AOPEP: variants seen among roughly 807,000 people sequenced by gnomAD.
AOPEP encodes aminopeptidase O.
In AOPEP, 77 loss-of-function variants were observed where a neutral mutation model predicts 98.1. The ratio of observed to expected loss-of-function variants is 0.78; its 90% CI spans 0.65 to 0.95. The LOEUF (loss-of-function observed/expected upper bound fraction) is 0.95. Among genes scored for constraint, AOPEP ranks in the 40% least tolerant of loss-of-function variants. The pLI, the probability that AOPEP is intolerant of heterozygous loss-of-function variation, is 0.00. For missense variants in AOPEP, 1,024 were observed against 1,024.7 expected, an observed-to-expected ratio of 1.00 and a Z score of 0.01; for synonymous variants, 346 against 365.3, an observed-to-expected ratio of 0.95 and a Z score of 0.60.
At chr9:95,010,397 C>G (rs1172022627) in intron 13 of AOPEP, among the ~76,000 whole-genome samples, 1 of 152,176 alleles carries the variant, frequency 6.6e-6, no homozygotes, top group African/African-American at 2.4e-5. Context: ...CATCAGCACA[C>G]AAAGCTTAGC....
intron 1 of AOPEP, among the ~76,000 whole-genome samples, chr9:94,730,576 A>G (rs1830301863): frequency 6.6e-6 from 1 of 152,198 alleles, no homozygotes. Flanking sequence ...ATAAACCTCT[A>G]TTTTACATTG....
intron 9 of AOPEP, among the ~76,000 whole-genome samples, chr9:94,957,806 G>A (rs1041769034): frequency 3.9e-5 from 6 of 151,924 alleles, no homozygotes; most frequent in African/African-American, 1.5e-4. Context: ...CATATGCTTT[G>A]AGAACTTTTG....
the AOPEP span, chr9:95,109,468 C>G: frequency 1.6e-4 from 24 of 150,996 alleles, no homozygotes; most frequent in African/African-American, 5.8e-4. Context: ...CTTTTTTTCT[C>G]TAGGCATCAT....
At chr9:94,903,718 T>C (rs975434199) in intron 5 of AOPEP, among the ~76,000 whole-genome samples, 1 of 151,530 alleles carries the variant, frequency 6.6e-6, no homozygotes, top group South Asian at 2.1e-4. Flanking sequence ...GGAGGATTAC[T>C]TGAGCCCAGC....
chr9:94,800,924 C>G lies in AOPEP; in HGVS notation c.1286C>G (p.Ser429Cys). Residue 429 changes from serine to cysteine, a missense_variant, in exon 5 of 17, where the codon TCT becomes TGT. Coordinates refer to ENST00000375315, the MANE Select transcript of AOPEP (RefSeq NM_001193329.3). The stretch of plus-strand genomic sequence containing the variant: ...CCTCCTTGCCTCTCAGCAGCACATT[C>G]TGTTCTGGGAGCACACCCGTTCTCT... ...LIPPCLSAAH[S>C]VLGAHPFSRL... The G allele has an allele frequency of 1.2e-6, 2 of 1,614,186 alleles. No individual in the cohort carries two copies. Among genetic ancestry groups the G allele is most frequent in the Non-Finnish European group, 8.5e-7 (1 of 1,180,032 alleles).
At chr9:94,901,436 T>C (rs1270584870) in intron 5 of AOPEP, among the ~76,000 whole-genome samples, 4 of 151,980 alleles carry the variant, frequency 2.6e-5, no homozygotes, top group Non-Finnish European at 5.9e-5. Context: ...CTAGCCCAAG[T>C]TTCCACCTAT....
chr9:95,060,646 CTCA>C, intron 13 of AOPEP, 45 bp from the exon 14 acceptor site: 2 of 1,244,910 alleles, frequency 1.6e-6, no homozygotes, highest in Non-Finnish European at 2.4e-6. Flanking sequence ...GGTGTTGTTT[CTCA>C]TCAACTGAAT....
the AOPEP span, chr9:95,107,162 G>A: frequency 1.2e-6 from 2 of 1,614,204 alleles, no homozygotes; most frequent in Admixed American, 3.3e-5. Flanking sequence ...CAGGAGCTCT[G>A]AGGTCTGTGT....
At chr9:95,071,263 T>C (rs933314099) in intron 14 of AOPEP, among the ~76,000 whole-genome samples, 6 of 151,780 alleles carry the variant, frequency 4.0e-5, no homozygotes, top group African/African-American at 1.5e-4. Flanking sequence ...CCCAAACTTT[T>C]TGAGTGCTGA....
At chr9:94,893,345 G>A (rs2049088008) in intron 5 of AOPEP, among the ~76,000 whole-genome samples, 1 of 152,118 alleles carries the variant, frequency 6.6e-6, no homozygotes, top group African/African-American at 2.4e-5. Context: ...CCCATTGGAT[G>A]GCATGCAGAA....
At chr9:94,865,999 T>G (rs1355317551) in intron 5 of AOPEP, among the ~76,000 whole-genome samples, 1 of 152,218 alleles carries the variant, frequency 6.6e-6, no homozygotes, top group Non-Finnish European at 1.5e-5. Context: ...ATGAGGGCCA[T>G]TGCAAATGGC....
At chr9:94,853,516 A>G (rs2043814882) in intron 5 of AOPEP, among the ~76,000 whole-genome samples, 2 of 152,182 alleles carry the variant, frequency 1.3e-5, no homozygotes, top group Non-Finnish European at 2.9e-5. Context: ...CTCACTGTGT[A>G]CTGTCCTTTT....
intron 3 of AOPEP, among the ~76,000 whole-genome samples, chr9:94,783,345 C>T (rs1843696599): frequency 6.6e-6 from 1 of 152,238 alleles, no homozygotes; most frequent in Non-Finnish European, 1.5e-5. Flanking sequence ...TGCTGGGTAG[C>T]ATCAGTGCTT....
At chr9:94,827,572 G>T (rs1038132730) in intron 5 of AOPEP, among the ~76,000 whole-genome samples, 1 of 152,124 alleles carries the variant, frequency 6.6e-6, no homozygotes, top group African/African-American at 2.4e-5. Flanking sequence ...CACTGATAGT[G>T]TACTAAGATG....
intron 1 of AOPEP, among the ~76,000 whole-genome samples, chr9:94,748,426 TA>T (rs1180805104): frequency 6.6e-6 from 1 of 152,238 alleles, no homozygotes; most frequent in African/African-American, 2.4e-5. Flanking sequence ...TAACTATTTT[TA>T]AATAAATGAT....
the AOPEP span, chr9:95,110,972 A>G: frequency 1.4e-6 from 2 of 1,408,886 alleles, no homozygotes; most frequent in East Asian, 2.6e-5. Flanking sequence ...TTACTTTAGT[A>G]AGAGATGTAA....
intron 5 of AOPEP, among the ~76,000 whole-genome samples, chr9:94,921,638 C>G (rs2053630898): frequency 6.6e-6 from 1 of 152,108 alleles, no homozygotes; most frequent in South Asian, 2.1e-4. Flanking sequence ...TTATCAAAAC[C>G]TTACTCCATG....
chr9:94,833,675 C>T (rs7022142), intron 5 of AOPEP, among the ~76,000 whole-genome samples: 1,660 of 152,256 alleles, frequency 0.011, 34 homozygotes, highest in African/African-American at 0.038. Context: ...TGGTTTGAAA[C>T]GCATCAAGTC....
intron 4 of AOPEP, among the ~76,000 whole-genome samples, chr9:94,793,539 T>G (rs191953279): frequency 3.1e-4 from 47 of 151,376 alleles, no homozygotes; most frequent in Non-Finnish European, 6.0e-4. Context: ...TAGCTGGGCA[T>G]GGTGGCGGAT....
Sources: allele counts gnomAD v4.1 joint callset (sites outside exome capture counted in the v4.1 genomes callset), GRCh38; gene constraint gnomAD v4.1.1; transcripts MANE v1.5; gene names NCBI Gene and HGNC (gene_info 2026-07-23, HGNC 2026-07-21).